HDAC9: variants seen among roughly 807,000 people sequenced by gnomAD.
HDAC9 encodes the protein histone deacetylase 9.
Under a neutral mutation model 139.4 loss-of-function variants are expected in HDAC9, and 41 were observed. That is an observed-to-expected ratio of 0.29 (90% confidence interval 0.23 to 0.38). The LOEUF is 0.38. HDAC9 is among the 10% of genes least tolerant of loss of function. HDAC9 has a pLI of 1.00. For synonymous variants in HDAC9, 517 were observed against 476.2 expected (o/e 1.09, Z -1.12); for missense variants, 1,147 against 1,297.0 (o/e 0.88, Z 1.78).
rs1028673217 is a variant in HDAC9 at position 18,392,311 on chromosome 7, T to A, written c.-42+101796T>A. Among the ~76,000 whole-genome samples, 341 of 124,558 alleles carry A rather than the reference T, an allele frequency of 2.7e-3. 1 individual carries two copies. The highest frequency in any genetic ancestry group is 0.011 in the African/African-American group (318 of 28,698). 81.7% of individuals were successfully genotyped at this position (124,558 alleles called of 152,430 possible). A position where few individuals can be genotyped will look rare whatever the true frequency, so the allele number is the denominator to read the frequency against. ...CTCTGTCTCTCTCTCTCTCTCTCTC[T>A]CTCTCACACACACACACACACACAC... On this transcript the variant is annotated intron_variant, in intron 1 of 3. Transcript: ENST00000413509.
intron 14 of HDAC9, among the ~76,000 whole-genome samples, chr7:18,754,826 G>A (rs2129150775): frequency 6.6e-6 from 1 of 152,172 alleles, no homozygotes; most frequent in South Asian, 2.1e-4. Flanking sequence ...ACACATAGGT[G>A]ACTGTAAAAT....
At chr7:18,176,953 T>C (rs1788957712) in intron 2 of HDAC9, among the ~76,000 whole-genome samples, 1 of 152,202 alleles carries the variant, frequency 6.6e-6, no homozygotes, top group Non-Finnish European at 1.5e-5. Context: ...AAGCCAACTA[T>C]AGATATTGGA....
intron 12 of HDAC9, among the ~76,000 whole-genome samples, chr7:18,709,325 C>T (rs1015656504): frequency 6.6e-6 from 1 of 152,120 alleles, no homozygotes; most frequent in Admixed American, 6.5e-5. Flanking sequence ...TGTTAGTTTG[C>T]TGAGGAGGAT....
intron 12 of HDAC9, chr7:18,667,165 G>A (rs75873915): frequency 0.02 from 19,872 of 985,128 alleles, 204 homozygotes; most frequent in Admixed American, 0.025. Context: ...GTCTCACATA[G>A]CACTGCTCAT....
chr7:18,419,773 T>C (rs1375910713), intron 1 of HDAC9, among the ~76,000 whole-genome samples: 1 of 152,188 alleles, frequency 6.6e-6, no homozygotes, highest in Non-Finnish European at 1.5e-5. Context: ...TCTCCTAAAA[T>C]ATTTCCATTT....
intron 2 of HDAC9, among the ~76,000 whole-genome samples, chr7:18,514,937 C>T (rs146326309): frequency 1.3e-5 from 2 of 152,110 alleles, no homozygotes; most frequent in Non-Finnish European, 2.9e-5. Context: ...ACACATAAGA[C>T]CCTGTCTCTA....
At chr7:18,496,178 T>C (rs1272337715) in intron 1 of HDAC9, 84 bp from the exon 2 acceptor site, 2 of 1,491,578 alleles carry the variant, frequency 1.3e-6, no homozygotes, top group Non-Finnish European at 1.9e-6. Context: ...CACTGAGCAG[T>C]GATGAATGTT....
chr7:18,739,482 C>T (rs1787241803), intron 13 of HDAC9, among the ~76,000 whole-genome samples: 1 of 152,112 alleles, frequency 6.6e-6, no homozygotes, highest in Non-Finnish European at 1.5e-5. Context: ...TGATGCTATT[C>T]CTTTCTGTTT....
chr7:18,880,043 A>G (rs979252672), intron 22 of HDAC9, among the ~76,000 whole-genome samples: 1 of 152,196 alleles, frequency 6.6e-6, no homozygotes, highest in African/African-American at 2.4e-5. Context: ...TGCAGCCAAC[A>G]AGCATATGAA....
chr7:18,995,953 T>C, intron 25 of HDAC9, 70 bp from the exon 26 acceptor site: 1 of 1,155,776 alleles, frequency 8.7e-7, no homozygotes, highest in Non-Finnish European at 1.3e-6. Context: ...CAGCTTTGAT[T>C]ATGCATGAAA....
chr7:18,091,536 G>C (rs1449359214), intron 1 of HDAC9, among the ~76,000 whole-genome samples: 2 of 152,204 alleles, frequency 1.3e-5, no homozygotes, highest in Non-Finnish European at 1.5e-5. Flanking sequence ...AACTAACTTA[G>C]TTAATATAAG....
At chr7:18,771,243 A>C (rs1266852726) in intron 16 of HDAC9, among the ~76,000 whole-genome samples, 1 of 152,114 alleles carries the variant, frequency 6.6e-6, no homozygotes, top group Non-Finnish European at 1.5e-5. Context: ...CTAGCTTTTT[A>C]TTACGACTTT....
rs73683547 is a variant in HDAC9 at position 18,826,599 on chromosome 7, C to T, written c.2323-2562C>T. 5.9e-3 allele frequency among the ~76,000 whole-genome samples: 876 copies of T among 149,120 alleles called. 11 individuals carry two copies. Among genetic ancestry groups the T allele is most frequent in the African/African-American group, 0.021 (843 of 40,218 alleles). Reference sequence around the variant, plus strand: ...ATTATGAAGTGAAAAGCAGATACTTCGTTCAAGGAATTTGGCTGTAAGTGA... The same window carrying T: ...ATTATGAAGTGAAAAGCAGATACTTTGTTCAAGGAATTTGGCTGTAAGTGA... On this transcript the variant is annotated intron_variant, in intron 17 of 25. Transcript: ENST00000686413.
At chr7:18,171,317 G>T (rs565821026) in intron 2 of HDAC9, among the ~76,000 whole-genome samples, 2 of 152,296 alleles carry the variant, frequency 1.3e-5, no homozygotes, top group African/African-American at 4.8e-5. Context: ...CTTTGCTGAA[G>T]TTGCTTATCA....
At chr7:18,175,350 C>T (rs1457516091) in intron 2 of HDAC9, among the ~76,000 whole-genome samples, 1 of 152,176 alleles carries the variant, frequency 6.6e-6, no homozygotes, top group African/African-American at 2.4e-5. Context: ...CCCGTTTTTC[C>T]AGGTACCATC....
chr7:18,177,570 G>A (rs368538666), intron 2 of HDAC9, among the ~76,000 whole-genome samples: 38 of 152,060 alleles, frequency 2.5e-4, no homozygotes, highest in African/African-American at 9.2e-4. Flanking sequence ...GGAGTGTCCT[G>A]TTTACTTATC....
chr7:18,469,232 G>T (rs1221213741), intron 1 of HDAC9, among the ~76,000 whole-genome samples: 1 of 152,186 alleles, frequency 6.6e-6, no homozygotes, highest in Non-Finnish European at 1.5e-5. Flanking sequence ...ACTTTTGGCT[G>T]TGTGCTGAAA....
chr7:18,957,455 T>A (rs1273539563), intron 24 of HDAC9, among the ~76,000 whole-genome samples: 1 of 152,124 alleles, frequency 6.6e-6, no homozygotes, highest in Admixed American at 6.6e-5. Context: ...TGCTTCTCAC[T>A]GTTTTATAAC....
chr7:18,106,250 A>G (rs949410947), intron 1 of HDAC9, among the ~76,000 whole-genome samples: 3 of 152,192 alleles, frequency 2.0e-5, no homozygotes, highest in African/African-American at 7.2e-5. Flanking sequence ...GAACGCAGTG[A>G]AAAACAAAAC....
Sources: allele counts gnomAD v4.1 joint callset (sites outside exome capture counted in the v4.1 genomes callset), GRCh38; gene constraint gnomAD v4.1.1; transcripts MANE v1.5; gene names NCBI Gene and HGNC (gene_info 2026-07-23, HGNC 2026-07-21).